PROS1: variants seen among roughly 807,000 people sequenced by gnomAD.
PROS1 encodes protein S.
In PROS1, 29 loss-of-function variants were observed where a neutral mutation model predicts 75.9. That is an observed-to-expected ratio of 0.38 (90% CI 0.28 to 0.52). The LOEUF is 0.52. PROS1 is among the 20% of genes least tolerant of loss of function. The pLI, the probability that PROS1 is intolerant of heterozygous loss-of-function variation, is 0.83. For synonymous variants in PROS1, 245 were observed against 280.6 expected, an observed-to-expected ratio of 0.87 and a Z score of 1.27; for missense variants, 680 against 810.3, an observed-to-expected ratio of 0.84 and a Z score of 1.95.
chr3:93,898,711 A>G (rs1708540528), intron 7 of PROS1, 142 bp from the exon 8 acceptor site: 1 of 888,276 alleles, frequency 1.1e-6, no homozygotes, highest in Non-Finnish European at 1.8e-6. Context: ...ACATCAAACT[A>G]CATTTAAACA....
At chr3:93,940,218 C>T (rs1394651004) in intron 1 of PROS1, among the ~76,000 whole-genome samples, 1 of 152,200 alleles carries the variant, frequency 6.6e-6, no homozygotes, top group African/African-American at 2.4e-5. Context: ...CCCTGGAACT[C>T]TGGCCCAAGG....
chr3:93,951,417 C>A (rs1709493263), intron 1 of PROS1, among the ~76,000 whole-genome samples: 1 of 152,152 alleles, frequency 6.6e-6, no homozygotes, highest in Non-Finnish European at 1.5e-5. Flanking sequence ...ATCTACAAGC[C>A]AGAAGAGAGT....
intron 1 of PROS1, among the ~76,000 whole-genome samples, chr3:93,967,165 C>T (rs1382448191): frequency 6.6e-6 from 1 of 152,136 alleles, no homozygotes; most frequent in African/African-American, 2.4e-5. Flanking sequence ...AGTAAAAACA[C>T]CAAATTTTTC....
At chr3:93,947,012 C>T (rs1353237208) in intron 1 of PROS1, among the ~76,000 whole-genome samples, 3 of 152,008 alleles carry the variant, frequency 2.0e-5, no homozygotes, top group Non-Finnish European at 2.9e-5. Context: ...GCAAAGGTTA[C>T]GAACAGAAAC....
intron 11 of PROS1, among the ~76,000 whole-genome samples, chr3:93,885,586 C>T (rs1405877972): frequency 6.6e-6 from 1 of 152,186 alleles, no homozygotes; most frequent in African/African-American, 2.4e-5. Context: ...CTCTAAGTCT[C>T]TTCAGACACA....
chr3:93,971,669 A>C (rs979220957), intron 1 of PROS1, among the ~76,000 whole-genome samples: 33 of 151,292 alleles, frequency 2.2e-4, no homozygotes, highest in African/African-American at 7.8e-4. Context: ...ACACACACAC[A>C]CATAAATTAG....
At chr3:93,943,873 C>A (rs1252741995) in intron 1 of PROS1, among the ~76,000 whole-genome samples, 1 of 152,160 alleles carries the variant, frequency 6.6e-6, no homozygotes, top group Admixed American at 6.5e-5. Flanking sequence ...CCTTGTGACC[C>A]CTGCCCCTGT....
chr3:93,897,983 C>T (rs921058202), intron 8 of PROS1, among the ~76,000 whole-genome samples: 1 of 152,044 alleles, frequency 6.6e-6, no homozygotes, highest in African/African-American at 2.4e-5. Flanking sequence ...TACATTAAAA[C>T]TGCACTTGTA....
intron 8 of PROS1, 130 bp downstream of exon 8, chr3:93,898,318 T>TA (rs1708533264): frequency 3.7e-6 from 4 of 1,076,912 alleles, no homozygotes; most frequent in Non-Finnish European, 5.6e-6. Flanking sequence ...TCATGACTCA[T>TA]AACCTGCTTA....
At chr3:93,882,436 C>G (rs754269305) in intron 12 of PROS1, among the ~76,000 whole-genome samples, 1 of 152,164 alleles carries the variant, frequency 6.6e-6, no homozygotes. Flanking sequence ...ACCCTTACAA[C>G]AACAAAAGCC....
At chr3:93,893,353 C>A (rs1458839692) in intron 9 of PROS1, among the ~76,000 whole-genome samples, 10 of 152,150 alleles carry the variant, frequency 6.6e-5, no homozygotes, top group Non-Finnish European at 1.2e-4. Context: ...TTCTTGGAAT[C>A]TTTTCCCCAG....
chr3:93,912,188 G>A (rs941259807), intron 3 of PROS1, among the ~76,000 whole-genome samples: 1 of 152,112 alleles, frequency 6.6e-6, no homozygotes, highest in African/African-American at 2.4e-5. Context: ...GCTTCTAGAG[G>A]TCATCTGCAT....
At chr3:93,959,363 A>G (rs1291550612) in intron 1 of PROS1, among the ~76,000 whole-genome samples, 1 of 152,158 alleles carries the variant, frequency 6.6e-6, no homozygotes, top group Non-Finnish European at 1.5e-5. Flanking sequence ...AAAGAAAGAA[A>G]AAAGAAATGC....
At chr3:93,931,442 G>C (rs1016007797) in intron 1 of PROS1, among the ~76,000 whole-genome samples, 3 of 152,162 alleles carry the variant, frequency 2.0e-5, no homozygotes, top group Non-Finnish European at 4.4e-5. Flanking sequence ...AACATATGAT[G>C]TACGATTTTA....
chr3:93,900,069 ATC>A (rs1330841851), intron 7 of PROS1, among the ~76,000 whole-genome samples: 2 of 152,210 alleles, frequency 1.3e-5, no homozygotes, highest in Non-Finnish European at 2.9e-5. Context: ...ATGGCAGTAA[ATC>A]TGTTTTAAAA....
In PROS1 at chr3:93,892,328, CA is replaced by C. The variant is rs568839992; in HGVS notation, c.1155+604del. On this transcript the variant is annotated intron_variant, in intron 10 of 14. Coordinates refer to ENST00000394236, the MANE Select transcript of PROS1 (RefSeq NM_000313.4). Reference sequence around the variant, plus strand: ...CTGGGCAGACAGAGTGAGACTGTCTCAAAAAAAAAAAATATGCTAGCCGCGG... The same window carrying C: ...CTGGGCAGACAGAGTGAGACTGTCTCAAAAAAAAAAATATGCTAGCCGCGG... Among the ~76,000 whole-genome samples the C allele has an allele frequency of 2.9e-3, 395 of 135,212 alleles. 3 individuals are homozygous for C. Among genetic ancestry groups the C allele is most frequent in the African/African-American group, 7.3e-3 (268 of 36,468 alleles). 88.7% of individuals were successfully genotyped at this position (135,212 alleles called of 152,430 possible).
chr3:93,944,834 C>A (rs1445830948), intron 1 of PROS1, among the ~76,000 whole-genome samples: 1 of 151,600 alleles, frequency 6.6e-6, no homozygotes, highest in Non-Finnish European at 1.5e-5. Context: ...GATAGAGACA[C>A]AAAAAACCCT....
intron 6 of PROS1, among the ~76,000 whole-genome samples, chr3:93,904,792 C>T (rs1043297543): frequency 2.0e-5 from 3 of 151,600 alleles, no homozygotes. Context: ...CACAGCCAAA[C>T]TGAAAGACAG....
intron 3 of PROS1, among the ~76,000 whole-genome samples, chr3:93,912,254 A>G (rs1209576793): frequency 6.6e-6 from 1 of 152,008 alleles, no homozygotes; most frequent in Non-Finnish European, 1.5e-5. Context: ...TTATCATTCC[A>G]TATCTGACTC....
Sources: allele counts gnomAD v4.1 joint callset (sites outside exome capture counted in the v4.1 genomes callset), GRCh38; gene constraint gnomAD v4.1.1; transcripts MANE v1.5; gene names NCBI Gene and HGNC (gene_info 2026-07-23, HGNC 2026-07-21).